Variants in RNF17 observed in about 807,000 individuals in gnomAD.
RNF17 encodes spermatogenesis associated 23.
A neutral mutation model predicts 200.5 loss-of-function variants in RNF17; 31 were observed. The ratio of observed to expected loss-of-function variants is 0.15; its 90% confidence interval spans 0.12 to 0.21. The LOEUF (loss-of-function observed/expected upper bound fraction) is 0.21. Ranked by LOEUF, RNF17 falls within the 10% of genes least tolerant of loss-of-function variation. The probability of loss-of-function intolerance (pLI) is 1.00; values close to 1 mark genes in which losing one functional copy is unlikely to be tolerated. For missense variants in RNF17, 1,628 were observed against 1,905.1 expected (o/e 0.85, Z 2.71); for synonymous variants, 606 against 637.8 (o/e 0.95, Z 0.75).
chr13:24,755,736 T>C, the RNF17 span, among the ~76,000 whole-genome samples: 33,807 of 152,154 alleles, frequency 0.22, 4,241 homozygotes, highest in East Asian at 0.42. Flanking sequence ...TACAATTGAA[T>C]TGAATCACAT....
intron 18 of RNF17, among the ~76,000 whole-genome samples, chr13:24,839,882 G>A (rs1488422203): frequency 1.3e-5 from 2 of 152,146 alleles, no homozygotes; most frequent in Non-Finnish European, 2.9e-5. Context: ...ATAAATAGCT[G>A]GGACCTAATT....
chr13:24,785,283 C>A (rs1253010809), intron 6 of RNF17, among the ~76,000 whole-genome samples: 3 of 152,076 alleles, frequency 2.0e-5, no homozygotes, highest in Non-Finnish European at 2.9e-5. Context: ...CTTCATTTGC[C>A]CCAGATAATT....
chr13:24,764,893 G>C (rs1225200477), intron 1 of RNF17, among the ~76,000 whole-genome samples: 1 of 32,108 alleles, frequency 3.1e-5, no homozygotes, highest in Non-Finnish European at 6.9e-5. Flanking sequence ...TGTGGGGTGT[G>C]TGTGTGTGTG....
chr13:24,793,477 A>C (rs1434116972), intron 10 of RNF17, 131 bp downstream of exon 10: 1 of 846,710 alleles, frequency 1.2e-6, no homozygotes. Context: ...TATGAGTTAA[A>C]ACCTGTTCAT....
chr13:24,883,883 G>T, downstream of RNF17: 5 of 1,551,956 alleles, frequency 3.2e-6, no homozygotes, highest in African/African-American at 2.7e-5. Flanking sequence ...CATCAGAAAC[G>T]CAAGGCTGGG....
intron 2 of RNF17, among the ~76,000 whole-genome samples, chr13:24,771,457 T>C (rs1226592275): frequency 1.3e-5 from 2 of 149,374 alleles, no homozygotes; most frequent in Non-Finnish European, 3.0e-5. Context: ...TGTTAGCCAC[T>C]GTATCCAGCC....
intron 33 of RNF17, 22 bp from the exon 34 acceptor site, chr13:24,876,975 G>A: frequency 6.4e-7 from 1 of 1,555,154 alleles, no homozygotes; most frequent in Non-Finnish European, 8.7e-7. Flanking sequence ...GAATTTTAAT[G>A]TAAGAATTTC....
In RNF17 at chr13:24,851,456, G is replaced by A; in HGVS notation, c.3205G>A (p.Glu1069Lys). ...ATIILQVDSE[E>K]NNTTWPLPVK... ...TTACTCTGCTCTTAAATCACTACAG[G>A]AAAACAACACAACATGGCCATTACC... is the stretch of plus-strand genomic sequence containing the variant. The change falls in exon 24 of 36, where the codon GAA becomes AAA. Residue 1069 changes from glutamate (E) to lysine (K), a missense_variant and splice_region_variant. Coordinates refer to ENST00000255324, the MANE Select transcript of RNF17 (RefSeq NM_031277.3). 2 of 1,605,166 alleles carry A rather than the reference G, an allele frequency of 1.2e-6. No individual in the cohort carries two copies. The highest frequency in any genetic ancestry group is 8.5e-7 in the Non-Finnish European group (1 of 1,173,528).
rs1214167183 is a variant in RNF17 at position 24,810,716 on chromosome 13, G to GC, written c.2091+6287_2091+6288insC. Among the ~76,000 whole-genome samples the GC allele has an allele frequency of 3.4e-5, 5 of 146,648 alleles. No individual in the cohort carries two copies. In the East Asian group the frequency reaches 1.0e-3, roughly 30 times the overall value. ...TAGCTGGTTATTTTGCTCGTTAGTTGATGCAGTTTCTTCCTAGTCTCGATG... is the reference window on the plus strand; with the variant it reads ...TAGCTGGTTATTTTGCTCGTTAGTTGCATGCAGTTTCTTCCTAGTCTCGATG... On this transcript the variant is annotated intron_variant, in intron 15 of 35. Coordinates refer to ENST00000255324, the MANE Select transcript of RNF17 (RefSeq NM_031277.3).
At chr13:24,813,218 G>A (rs1262241727) in intron 15 of RNF17, among the ~76,000 whole-genome samples, 1 of 152,014 alleles carries the variant, frequency 6.6e-6, no homozygotes, top group Non-Finnish European at 1.5e-5. Context: ...GAATGCAGTG[G>A]CATGATTGTA....
At chr13:24,763,354 C>T (rs568151606), upstream of RNF17, among the ~76,000 whole-genome samples, 5 of 150,574 alleles carry the variant, frequency 3.3e-5, no homozygotes, top group Non-Finnish European at 5.9e-5. Context: ...AGGCGCCCAC[C>T]GCCACGTCCG....
chr13:24,885,068 TAAG>T, the RNF17 span, among the ~76,000 whole-genome samples: 111 of 152,186 alleles, frequency 7.3e-4, no homozygotes, highest in Non-Finnish European at 1.9e-4. Flanking sequence ...CAGAAGCTTT[TAAG>T]AAGTGCCAAG....
chr13:24,794,305 T>C (rs1382561015), intron 10 of RNF17: 4 of 433,650 alleles, frequency 9.2e-6, no homozygotes, highest in Non-Finnish European at 1.8e-5. Context: ...AGTAAGTAGC[T>C]CTTACCTAGT....
the RNF17 span, among the ~76,000 whole-genome samples, chr13:24,753,410 G>A: frequency 2.0e-5 from 3 of 152,306 alleles, no homozygotes; most frequent in South Asian, 6.2e-4. Flanking sequence ...ACACTTCAGT[G>A]CTGAATAGTT....
At chr13:24,754,698 T>C in the RNF17 span, among the ~76,000 whole-genome samples, 1 of 152,078 alleles carries the variant, frequency 6.6e-6, no homozygotes, top group Non-Finnish European at 1.5e-5. Context: ...GAGACTAGCC[T>C]GGACAACATG....
chr13:24,842,141 C>A lies in RNF17; in HGVS notation c.2583C>A (p.Gly861=). The change falls in exon 19 of 36, where the codon GGC becomes GGA. Residue 861 remains glycine (G), a synonymous_variant. Transcript: ENST00000255324. ...TSINDQLVKE[G]LASYEIGYIL... ...TTAATGACCAGCTAGTTAAAGAGGGCCTAGCATCTTATGAAATAGGGTAAG... is the reference window on the plus strand; with the variant it reads ...TTAATGACCAGCTAGTTAAAGAGGGACTAGCATCTTATGAAATAGGGTAAG... 1.2e-6 allele frequency: 2 copies of A among 1,604,668 alleles called. No homozygotes were observed. The highest frequency in any genetic ancestry group is 1.7e-6 in the Non-Finnish European group (2 of 1,175,672).
At chr13:24,834,583 G>T (rs958262484) in intron 18 of RNF17, among the ~76,000 whole-genome samples, 3 of 152,168 alleles carry the variant, frequency 2.0e-5, no homozygotes, top group Non-Finnish European at 4.4e-5. Flanking sequence ...GAAGCTGAAG[G>T]TCTGTTTGTG....
intron 6 of RNF17, among the ~76,000 whole-genome samples, chr13:24,783,614 T>C (rs1882722103): frequency 6.6e-6 from 1 of 152,194 alleles, no homozygotes; most frequent in Admixed American, 6.5e-5. Flanking sequence ...GTATTTTCTT[T>C]CTTTTGATGC....
At position 24,764,422 on chromosome 13, in the gene RNF17, C is replaced by G. The variant is rs1488243682; in HGVS notation, c.130+89C>G. On this transcript the variant is annotated intron_variant, in intron 1 of 35. Coordinates refer to ENST00000255324, the MANE Select transcript of RNF17 (RefSeq NM_031277.3). ...AGCTGGTGGGCGCGTGAGGCTTGGT[C>G]AGCTGCATCCAATCCTGGTGTCACC... 12 of 1,446,398 alleles carry G rather than the reference C, an allele frequency of 8.3e-6. No homozygotes were observed. In the South Asian group the frequency reaches 1.6e-4, roughly 19 times the overall value. The allele number at this position is 1,446,398 out of a possible 1,614,324, so 89.6% of individuals were successfully genotyped here.
Sources: gnomAD v4.1 joint callset for allele counts (sites outside exome capture counted in the v4.1 genomes callset) on GRCh38, gnomAD v4.1.1 for gene constraint, MANE v1.5 for transcripts, NCBI Gene and HGNC (gene_info 2026-07-23, HGNC 2026-07-21) for gene names.